Variants in SLC24A1 observed in about 807,000 individuals in gnomAD.
SLC24A1 encodes the protein solute carrier family 24 member 1.
A neutral mutation model predicts 88.1 loss-of-function variants in SLC24A1; 52 were observed. That is an observed-to-expected ratio of 0.59 (90% CI 0.47 to 0.74). SLC24A1 has a LOEUF of 0.74. Among genes scored for constraint, SLC24A1 ranks in the 30% least tolerant of loss-of-function variants. SLC24A1 has a pLI of 0.00. For synonymous variants in SLC24A1, 455 were observed against 498.0 expected, an observed-to-expected ratio of 0.91 and a Z score of 1.15; for missense variants, 1,173 against 1,363.3, an observed-to-expected ratio of 0.86 and a Z score of 2.20.
At position 65,624,107 on chromosome 15, in the gene SLC24A1, G is replaced by C. The variant is rs199634174; in HGVS notation, c.27G>C (p.Pro9=). The change falls in exon 2 of 10, where the codon CCG becomes CCC. Residue 9 remains proline (P), a synonymous_variant. Coordinates refer to ENST00000261892, the MANE Select transcript of SLC24A1 (RefSeq NM_004727.3). The part of the protein sequence containing the change: MGKLIRMG[P]QERWLLRTKR... ...TGGGGAAATTGATCAGGATGGGGCC[G>C]CAAGAGAGGTGGTTACTCCGGACAA... 7.0e-5 allele frequency: 113 copies of C among 1,606,862 alleles called. No homozygotes were observed. The African/African-American group carries it at 1.4e-3, about 20-fold the overall frequency.
intron 2 of SLC24A1, among the ~76,000 whole-genome samples, chr15:65,636,448 A>G (rs2074936352): frequency 6.6e-6 from 1 of 151,990 alleles, no homozygotes; most frequent in Non-Finnish European, 1.5e-5. Context: ...CGGGTGTCGT[A>G]GTACGCACCT....
intron 2 of SLC24A1, among the ~76,000 whole-genome samples, chr15:65,627,563 A>C (rs546631693): frequency 6.6e-6 from 1 of 152,302 alleles, no homozygotes; most frequent in African/African-American, 2.4e-5. Context: ...AAAGAAAGAG[A>C]GGCTTAGAGC....
intron 6 of SLC24A1, among the ~76,000 whole-genome samples, chr15:65,648,439 G>T (rs1436387566): frequency 6.6e-6 from 1 of 152,002 alleles, no homozygotes; most frequent in African/African-American, 2.4e-5. Flanking sequence ...AGGTTAGCTG[G>T]TTGCCTAATC....
intron 1 of SLC24A1, among the ~76,000 whole-genome samples, chr15:65,622,832 G>C (rs1050082049): frequency 6.6e-6 from 1 of 151,284 alleles, no homozygotes; most frequent in African/African-American, 2.4e-5. Flanking sequence ...ACCTCTGCCT[G>C]CCAGGTTCAA....
chr15:65,639,345 G>A (rs1020763384), intron 3 of SLC24A1, among the ~76,000 whole-genome samples: 4 of 152,210 alleles, frequency 2.6e-5, no homozygotes, highest in African/African-American at 9.7e-5. Context: ...ACACCAGGTT[G>A]CTCCCTGTGG....
downstream of SLC24A1, chr15:65,660,751 G>A (rs1307047127): frequency 1.3e-5 from 2 of 153,388 alleles, no homozygotes; most frequent in African/African-American, 4.8e-5. Flanking sequence ...CAATATGGAT[G>A]AAAATCTATC....
rs1164244852 is a variant in SLC24A1, at chr15:65,649,126, CAG to C, written c.2233-1253_2233-1252del. Among the ~76,000 whole-genome samples, 5 of 152,250 alleles carry C rather than the reference CAG, an allele frequency of 3.3e-5. No homozygotes were observed. The East Asian group carries it at 9.6e-4, about 29-fold the overall frequency. On this transcript the variant is annotated intron_variant, in intron 6 of 9. Coordinates refer to ENST00000261892, the MANE Select transcript of SLC24A1 (RefSeq NM_004727.3). ...CTGTATTTCTTTTTTCTCTTTGAGA[CAG>C]AGTCTTGCTCTGTCACCCAGGCTGG...
At chr15:65,634,829 GAGA>G (rs2074861264) in intron 2 of SLC24A1, among the ~76,000 whole-genome samples, 1 of 150,474 alleles carries the variant, frequency 6.6e-6, no homozygotes, top group Non-Finnish European at 1.5e-5. Flanking sequence ...AAGAAAAAAA[GAGA>G]AGAAGACAGG....
At chr15:65,638,204 C>G in intron 3 of SLC24A1, 23 bp downstream of exon 3, 1 of 1,532,992 alleles carries the variant, frequency 6.5e-7, no homozygotes, top group Non-Finnish European at 9.0e-7. Context: ...TGGAGTCTGC[C>G]CAGTGGGGAC....
intron 3 of SLC24A1, 93 bp from the exon 4 acceptor site, chr15:65,639,502 C>T: frequency 1.3e-6 from 1 of 752,496 alleles, no homozygotes. Context: ...TCTCCCTGAT[C>T]TTTATGGGAA....
downstream of SLC24A1, chr15:65,660,148 A>C: frequency 1.6e-6 from 1 of 627,590 alleles, no homozygotes; most frequent in East Asian, 2.8e-5. Context: ...AATAGTAAAG[A>C]ATAATATTGG....
downstream of SLC24A1, chr15:65,660,724 G>A (rs2075823351): frequency 6.4e-6 from 1 of 155,126 alleles, no homozygotes; most frequent in South Asian, 2.0e-4. Flanking sequence ...GAAGCTTGTT[G>A]AAAAAGCTAA....
chr15:65,611,385 T>G, upstream of SLC24A1: 1 of 597,206 alleles, frequency 1.7e-6, no homozygotes, highest in South Asian at 2.0e-5. Flanking sequence ...TTGGCTGGGT[T>G]TCCTGCCGTG....
intron 3 of SLC24A1, among the ~76,000 whole-genome samples, chr15:65,639,190 A>C (rs1566957215): frequency 6.6e-6 from 1 of 152,148 alleles, no homozygotes; most frequent in Non-Finnish European, 1.5e-5. Flanking sequence ...TGGGGCAATG[A>C]TAAAACGTGA....
In SLC24A1 at chr15:65,655,095, G is replaced by A. The variant is rs1319803654; in HGVS notation, c.*1016G>A. ...TATTTATTAGAACATGCAAATTCAT[G>A]TTGTCTCCATCAGTGGTCACCTTGA... On this transcript the variant is annotated 3_prime_UTR_variant, in exon 10 of 10. Transcript: ENST00000261892. 2 of 1,012,748 alleles carry A rather than the reference G, an allele frequency of 2.0e-6. No individual in the cohort carries two copies. The highest frequency in any genetic ancestry group is 2.4e-6 in the Non-Finnish European group (2 of 846,402). 62.7% of individuals were successfully genotyped at this position (1,012,748 alleles called of 1,614,324 possible).
At chr15:65,629,051 G>A (rs2074614894) in intron 2 of SLC24A1, among the ~76,000 whole-genome samples, 1 of 152,240 alleles carries the variant, frequency 6.6e-6, no homozygotes, top group South Asian at 2.1e-4. Flanking sequence ...TAGTGTGAAA[G>A]CAGCTACAGA....
chr15:65,620,377 G>T (rs1160443823), upstream of SLC24A1, among the ~76,000 whole-genome samples: 1 of 152,020 alleles, frequency 6.6e-6, no homozygotes, highest in Non-Finnish European at 1.5e-5. Flanking sequence ...ATAGTACCCG[G>T]CACTATTAAT....
At chr15:65,621,780 G>T (rs2074326317), upstream of SLC24A1, among the ~76,000 whole-genome samples, 1 of 152,154 alleles carries the variant, frequency 6.6e-6, no homozygotes, top group African/African-American at 2.4e-5. Context: ...TGACTTTGTG[G>T]GCCCACAGTG....
intron 2 of SLC24A1, among the ~76,000 whole-genome samples, chr15:65,631,019 A>G (rs559558324): frequency 2.4e-4 from 37 of 152,246 alleles, no homozygotes; most frequent in African/African-American, 8.2e-4. Flanking sequence ...AAAGCTTTCA[A>G]TGTTCACCTG....
Sources: allele counts gnomAD v4.1 joint callset (sites outside exome capture counted in the v4.1 genomes callset), GRCh38; gene constraint gnomAD v4.1.1; transcripts MANE v1.5; gene names NCBI Gene and HGNC (gene_info 2026-07-23, HGNC 2026-07-21).